The following NGF variants were observed in gnomAD, a reference collection of about 807,000 sequenced individuals.
NGF encodes the protein beta-nerve growth factor.
Under a neutral mutation model 12.8 loss-of-function variants are expected in NGF, and 4 were observed. The ratio of observed to expected loss-of-function variants is 0.31; its 90% confidence interval spans 0.15 to 0.72. The LOEUF (loss-of-function observed/expected upper bound fraction) is 0.72, where lower values mean the gene tolerates loss of function less well. NGF is among the 30% of genes least tolerant of loss of function. The probability of loss-of-function intolerance (pLI) is 0.69; values close to 1 mark genes in which losing one functional copy is unlikely to be tolerated. For synonymous variants in NGF, 140 were observed against 130.0 expected (o/e 1.08, Z -0.52); for missense variants, 283 against 330.8 (o/e 0.86, Z 1.12).
intron 2 of NGF, among the ~76,000 whole-genome samples, chr1:115,293,355 G>A (rs938394889): frequency 9.9e-5 from 15 of 152,172 alleles, no homozygotes; most frequent in African/African-American, 3.6e-4. Flanking sequence ...GTCTATTCGA[G>A]GTCCTGTGTT....
chr1:115,327,702 T>C (rs1654814446), intron 1 of NGF, among the ~76,000 whole-genome samples: 1 of 152,232 alleles, frequency 6.6e-6, no homozygotes, highest in South Asian at 2.1e-4. Context: ...TAAGTCAGCC[T>C]TTGCTTTTTC....
intron 1 of NGF, among the ~76,000 whole-genome samples, chr1:115,335,894 AG>A (rs1261481489): frequency 2.2e-4 from 33 of 152,210 alleles, no homozygotes; most frequent in Non-Finnish European, 2.9e-5. Context: ...CTCTTTAAAA[AG>A]TAAAGTTGTG....
At chr1:115,333,602 A>G (rs1463113645) in intron 1 of NGF, among the ~76,000 whole-genome samples, 1 of 151,076 alleles carries the variant, frequency 6.6e-6, no homozygotes, top group African/African-American at 2.4e-5. Context: ...GACAGATTTC[A>G]TCATCAGATC....
chr1:115,322,001 A>G (rs1006651274), intron 1 of NGF, among the ~76,000 whole-genome samples: 2 of 152,186 alleles, frequency 1.3e-5, no homozygotes, highest in Admixed American at 6.5e-5. Context: ...CTAACTACCA[A>G]TTTTGGTGGA....
At position 115,314,574 on chromosome 1, in the gene NGF, G is replaced by T. The variant is rs72993909; in HGVS notation, c.-136-20824C>A. On this transcript the variant is annotated intron_variant, in intron 1 of 2. Transcript: ENST00000369512. Reference sequence around the variant, plus strand: ...ACTTAATGAGCACCTGTTCTGTGCAGGTGCACCATGCCTGGAACTGCAGGA... The same window carrying T: ...ACTTAATGAGCACCTGTTCTGTGCATGTGCACCATGCCTGGAACTGCAGGA... 5.6e-3 allele frequency among the ~76,000 whole-genome samples: 860 copies of T among 152,298 alleles called. 10 individuals are homozygous for T. Among genetic ancestry groups the T allele is most frequent in the African/African-American group, 0.02 (817 of 41,558 alleles).
At chr1:115,302,278 C>T (rs989857318) in intron 1 of NGF, among the ~76,000 whole-genome samples, 4 of 152,146 alleles carry the variant, frequency 2.6e-5, no homozygotes, top group South Asian at 2.1e-4. Flanking sequence ...CTGACAGGTG[C>T]GCCACAGAGG....
At chr1:115,337,614 A>C (rs1172838181) in intron 1 of NGF, among the ~76,000 whole-genome samples, 1 of 151,904 alleles carries the variant, frequency 6.6e-6, no homozygotes, top group East Asian at 1.9e-4. Context: ...TTCCTGCGTT[A>C]ACCCCCGGGG....
intron 2 of NGF, among the ~76,000 whole-genome samples, chr1:115,288,298 G>GT (rs1468743171): frequency 6.6e-6 from 1 of 152,150 alleles, no homozygotes; most frequent in Non-Finnish European, 1.5e-5. Flanking sequence ...ATCGTGTTTG[G>GT]ATTCCTACTC....
chr1:115,296,010 A>T (rs1027914905), intron 1 of NGF, among the ~76,000 whole-genome samples: 7 of 152,244 alleles, frequency 4.6e-5, no homozygotes, highest in Non-Finnish European at 1.0e-4. Context: ...GATAAGTATG[A>T]TGTATATGTG....
intron 1 of NGF, among the ~76,000 whole-genome samples, chr1:115,318,022 C>G (rs1654516840): frequency 6.6e-6 from 1 of 152,192 alleles, no homozygotes; most frequent in Non-Finnish European, 1.5e-5. Flanking sequence ...GTTCCAAAGG[C>G]TGCCCCCTCC....
At chr1:115,327,384 C>A (rs1302323549) in intron 1 of NGF, among the ~76,000 whole-genome samples, 1 of 152,186 alleles carries the variant, frequency 6.6e-6, no homozygotes, top group Non-Finnish European at 1.5e-5. Context: ...AAACCCCACC[C>A]CCAAAATATT....
At chr1:115,293,330 G>A (rs1235124931) in intron 2 of NGF, among the ~76,000 whole-genome samples, 1 of 152,116 alleles carries the variant, frequency 6.6e-6, no homozygotes, top group East Asian at 1.9e-4. Context: ...TTGTGTGGAG[G>A]GTCTGACTGA....
intron 1 of NGF, among the ~76,000 whole-genome samples, chr1:115,337,256 GTTTTGTTTTTGT>G (rs1242162738): frequency 2.2e-4 from 6 of 27,198 alleles, no homozygotes; most frequent in South Asian, 9.4e-4. Flanking sequence ...AATTTTTTTT[GTTTTGTTTTTGT>G]TTTTTTTTTT....
At position 115,286,493 on chromosome 1, in the gene NGF, C is replaced by T; in HGVS notation, c.303G>A (p.Gln101=). The T allele has an allele frequency of 6.2e-7, 1 of 1,614,158 alleles. No homozygotes were observed. The part of the protein sequence containing the change: ...TQPPREAADT[Q]DLDFEVGGAA... ...CACCACCGACCTCGAAGTCCAGATCCTGAGTGTCTGCAGCTTCACGGGGAG... is the reference window on the plus strand; with the variant it reads ...CACCACCGACCTCGAAGTCCAGATCTTGAGTGTCTGCAGCTTCACGGGGAG... The change falls in exon 3 of 3, where the codon CAG becomes CAA. Residue 101 remains glutamine (Q), a synonymous_variant. Transcript: ENST00000369512.
chr1:115,318,033 A>G (rs1194704683), intron 1 of NGF, among the ~76,000 whole-genome samples: 1 of 152,054 alleles, frequency 6.6e-6, no homozygotes, highest in Non-Finnish European at 1.5e-5. Flanking sequence ...TGCCCCCTCC[A>G]GTGGGACCCC....
intron 1 of NGF, among the ~76,000 whole-genome samples, chr1:115,315,567 A>G (rs1049951467): frequency 1.3e-5 from 2 of 152,190 alleles, no homozygotes; most frequent in African/African-American, 2.4e-5. Flanking sequence ...TGAAGGCAGA[A>G]TCAAGAGTTT....
At chr1:115,307,268 G>A (rs924809186) in intron 1 of NGF, among the ~76,000 whole-genome samples, 3 of 152,118 alleles carry the variant, frequency 2.0e-5, no homozygotes, top group African/African-American at 4.8e-5. Context: ...GAGAGAGGAG[G>A]GGAGTAAGAG....
intron 2 of NGF, among the ~76,000 whole-genome samples, 194 bp downstream of exon 2, chr1:115,293,433 G>A (rs1653765988): frequency 6.6e-6 from 1 of 152,226 alleles, no homozygotes; most frequent in South Asian, 2.1e-4. Context: ...GGGCCAACCT[G>A]CATGCACAAA....
chr1:115,326,893 T>C (rs999255263), intron 1 of NGF, among the ~76,000 whole-genome samples: 20 of 152,156 alleles, frequency 1.3e-4, no homozygotes, highest in Admixed American at 1.2e-3. Flanking sequence ...ACAGCCCTAA[T>C]AGATATGCAG....
Sources: gnomAD v4.1 joint callset for allele counts (sites outside exome capture counted in the v4.1 genomes callset) on GRCh38, gnomAD v4.1.1 for gene constraint, MANE v1.5 for transcripts, NCBI Gene and HGNC (gene_info 2026-07-23, HGNC 2026-07-21) for gene names.